The following CACNA2D3 variants were observed in gnomAD, a reference collection of about 807,000 sequenced individuals.
The protein encoded by CACNA2D3 is voltage-dependent calcium channel subunit alpha-2/delta-3.
In CACNA2D3, 60 loss-of-function variants were observed where a neutral mutation model predicts 160.6. The ratio of observed to expected loss-of-function variants is 0.37; its 90% CI spans 0.30 to 0.46. CACNA2D3 has a LOEUF of 0.46. Among genes scored for constraint, CACNA2D3 ranks in the 20% least tolerant of loss-of-function variants. CACNA2D3 has a pLI of 1.00. For synonymous variants in CACNA2D3, 558 were observed against 492.9 expected (o/e 1.13, Z -1.75); for missense variants, 1,205 against 1,365.0 (o/e 0.88, Z 1.85).
intron 11 of CACNA2D3, among the ~76,000 whole-genome samples, chr3:54,652,504 GC>G (rs1273417357): frequency 6.6e-6 from 1 of 152,166 alleles, no homozygotes; most frequent in East Asian, 1.9e-4. Context: ...AGACAGGGTG[GC>G]CAAGACGAGC....
At chr3:54,651,665 G>C (rs1210542702) in intron 11 of CACNA2D3, among the ~76,000 whole-genome samples, 1 of 152,098 alleles carries the variant, frequency 6.6e-6, no homozygotes, top group Non-Finnish European at 1.5e-5. Context: ...TCGAGGAGGG[G>C]CTGGCTTGGG....
At chr3:54,409,967 T>C (rs1372750312) in intron 4 of CACNA2D3, among the ~76,000 whole-genome samples, 2 of 152,222 alleles carry the variant, frequency 1.3e-5, no homozygotes, top group African/African-American at 2.4e-5. Flanking sequence ...AGATCTAAGA[T>C]AATTGATGAA....
chr3:54,347,385 G>A (rs1316877693), intron 3 of CACNA2D3, among the ~76,000 whole-genome samples: 1 of 152,190 alleles, frequency 6.6e-6, no homozygotes, highest in African/African-American at 2.4e-5. Context: ...GTATAGGGGA[G>A]CTGTAATATG....
At chr3:54,211,017 G>T (rs1463727524) in intron 2 of CACNA2D3, among the ~76,000 whole-genome samples, 1 of 152,118 alleles carries the variant, frequency 6.6e-6, no homozygotes, top group African/African-American at 2.4e-5. Flanking sequence ...CGTCAAACAG[G>T]TATGAAAAGG....
At chr3:54,616,031 C>T (rs1698842288) in intron 9 of CACNA2D3, among the ~76,000 whole-genome samples, 1 of 152,168 alleles carries the variant, frequency 6.6e-6, no homozygotes, top group African/African-American at 2.4e-5. Flanking sequence ...CGCTACCATC[C>T]CGGGCTACCT....
intron 2 of CACNA2D3, among the ~76,000 whole-genome samples, chr3:54,186,604 G>T (rs1700882813): frequency 6.6e-6 from 1 of 151,776 alleles, no homozygotes; most frequent in African/African-American, 2.4e-5. Context: ...ATTTTTTCTG[G>T]TAATTTCTCT....
At chr3:54,834,815 G>A (rs934112262) in intron 14 of CACNA2D3, among the ~76,000 whole-genome samples, 3 of 152,190 alleles carry the variant, frequency 2.0e-5, no homozygotes, top group African/African-American at 7.2e-5. Flanking sequence ...AATCTGCAAG[G>A]CAGGCAGTCT....
intron 2 of CACNA2D3, among the ~76,000 whole-genome samples, chr3:54,238,052 G>A (rs1011633470): frequency 6.6e-6 from 1 of 152,172 alleles, no homozygotes; most frequent in Non-Finnish European, 1.5e-5. Context: ...AGAGGGATTA[G>A]TGTTCTGAGG....
At chr3:54,639,241 G>C (rs1699451052) in intron 10 of CACNA2D3, 1 of 151,858 alleles carries the variant, frequency 6.6e-6, no homozygotes, top group South Asian at 2.1e-4. Context: ...CCAGAAAAGC[G>C]GGACTTGCCG....
chr3:54,315,447 G>A (rs1703837895), intron 2 of CACNA2D3, among the ~76,000 whole-genome samples: 1 of 152,208 alleles, frequency 6.6e-6, no homozygotes, highest in Admixed American at 6.5e-5. Context: ...TCAAGCCACT[G>A]TTGGCTACAA....
At chr3:54,869,280 A>G (rs1256350580) in intron 17 of CACNA2D3, among the ~76,000 whole-genome samples, 1 of 152,222 alleles carries the variant, frequency 6.6e-6, no homozygotes, top group East Asian at 1.9e-4. Context: ...ATGCGATCTT[A>G]TTTAACTTGT....
intron 17 of CACNA2D3, among the ~76,000 whole-genome samples, chr3:54,867,966 G>GGAGT (rs200695380): frequency 0.079 from 12,069 of 152,068 alleles, 774 homozygotes; most frequent in African/African-American, 0.18. Context: ...TGGTGCCCAA[G>GGAGT]GAGTTCCCTA....
intron 4 of CACNA2D3, among the ~76,000 whole-genome samples, chr3:54,421,387 A>G (rs1465576223): frequency 1.3e-5 from 2 of 152,170 alleles, no homozygotes; most frequent in Non-Finnish European, 2.9e-5. Context: ...TGCCTGATAG[A>G]GTGAATCAGA....
At chr3:54,152,135 C>T (rs1418841516) in intron 2 of CACNA2D3, among the ~76,000 whole-genome samples, 2 of 152,222 alleles carry the variant, frequency 1.3e-5, no homozygotes, top group South Asian at 2.1e-4. Context: ...CCTTGGGTCT[C>T]TCTTGGGACA....
chr3:54,236,743 A>G (rs2107401371), intron 2 of CACNA2D3, among the ~76,000 whole-genome samples: 1 of 152,320 alleles, frequency 6.6e-6, no homozygotes, highest in Middle Eastern at 3.4e-3. Context: ...AGGCCACATG[A>G]CATAGTGGTC....
chr3:55,051,192 A>C (rs371719144), intron 35 of CACNA2D3, among the ~76,000 whole-genome samples: 1 of 140,376 alleles, frequency 7.1e-6, no homozygotes, highest in African/African-American at 2.7e-5. Context: ...GCTTTTTAGA[A>C]TTTCCAGTTT....
intron 27 of CACNA2D3, among the ~76,000 whole-genome samples, chr3:54,966,453 A>G (rs1702152847): frequency 6.6e-6 from 1 of 152,194 alleles, no homozygotes; most frequent in South Asian, 2.1e-4. Context: ...ACATCACAGT[A>G]GGTCCCCAAC....
At chr3:54,262,749 A>G (rs1702426624) in intron 2 of CACNA2D3, among the ~76,000 whole-genome samples, 1 of 152,192 alleles carries the variant, frequency 6.6e-6, no homozygotes, top group African/African-American at 2.4e-5. Flanking sequence ...TCTAGCCAAG[A>G]AGAAGCCATT....
chr3:54,591,574 T>G (rs990962292), intron 9 of CACNA2D3, among the ~76,000 whole-genome samples: 8 of 150,620 alleles, frequency 5.3e-5, no homozygotes, highest in East Asian at 1.9e-4. Flanking sequence ...AAAGTTTTTT[T>G]TTTTTTTTTT....
Sources: gnomAD v4.1 joint callset for allele counts (sites outside exome capture counted in the v4.1 genomes callset) on GRCh38, gnomAD v4.1.1 for gene constraint, MANE v1.5 for transcripts, NCBI Gene and HGNC (gene_info 2026-07-23, HGNC 2026-07-21) for gene names.